The following CCDC73 variants were observed in gnomAD, a reference collection of about 807,000 sequenced individuals.
CCDC73 encodes coiled-coil domain-containing protein 73.
In CCDC73, 95 loss-of-function variants were observed where a neutral mutation model predicts 116.5. The observed-to-expected ratio is 0.82, with a 90% CI of 0.69 to 0.97. The LOEUF (loss-of-function observed/expected upper bound fraction) is 0.97, where lower values mean the gene tolerates loss of function less well. Ranked by LOEUF, CCDC73 falls within the 50% of genes least tolerant of loss-of-function variation. The pLI, the probability that CCDC73 is intolerant of heterozygous loss-of-function variation, is 0.00. For missense variants in CCDC73, 1,066 were observed against 1,206.8 expected, an observed-to-expected ratio of 0.88 and a Z score of 1.73; for synonymous variants, 398 against 401.3, an observed-to-expected ratio of 0.99 and a Z score of 0.10.
chr11:32,643,814 T>C lies in CCDC73; in HGVS notation c.940-1732A>G, dbSNP rs146830203. On this transcript the variant is annotated intron_variant, in intron 12 of 17. Transcript: ENST00000335185. ...TAAATGCTGTATACTTAGGCTACAC[T>C]AAATTTTTTTAATTTTTTCTTTCTT... Among the ~76,000 whole-genome samples the C allele has an allele frequency of 1.3e-4, 20 of 152,218 alleles. No homozygotes were observed. The East Asian group carries it at 2.9e-3, about 22-fold the overall frequency.
intron 2 of CCDC73, among the ~76,000 whole-genome samples, chr11:32,727,490 G>C (rs550740314): frequency 6.6e-6 from 1 of 152,270 alleles, no homozygotes; most frequent in African/African-American, 2.4e-5. Context: ...AAAAAATATT[G>C]TGTCACTATG....
intron 2 of CCDC73, among the ~76,000 whole-genome samples, chr11:32,755,536 A>AATATATATATATACATATAT (rs1483806584): frequency 1.7e-4 from 10 of 59,916 alleles, no homozygotes; most frequent in Non-Finnish European, 3.2e-4. Context: ...TCCATCTCAA[A>AATATATATATATACATATAT]ATATATATAT....
chr11:32,764,881 G>C (rs529738535), intron 1 of CCDC73, among the ~76,000 whole-genome samples: 40 of 152,262 alleles, frequency 2.6e-4, no homozygotes, highest in African/African-American at 7.2e-4. Flanking sequence ...CTCATGTGCA[G>C]AGACACACAT....
chr11:32,758,497 T>C (rs1260859378), intron 2 of CCDC73: 1 of 466,824 alleles, frequency 2.1e-6, no homozygotes, highest in African/African-American at 2.0e-5. Flanking sequence ...GCAGAGCCTA[T>C]GGTGGTTCCA....
intron 4 of CCDC73, 39 bp from the exon 5 acceptor site, chr11:32,700,865 TG>T: frequency 8.9e-7 from 1 of 1,119,818 alleles, no homozygotes; most frequent in Non-Finnish European, 1.3e-6. Flanking sequence ...AAGGGATCAC[TG>T]TTAACAGTGA....
At chr11:32,651,115 T>C (rs1335850105) in intron 12 of CCDC73, among the ~76,000 whole-genome samples, 1 of 152,150 alleles carries the variant, frequency 6.6e-6, no homozygotes, top group African/African-American at 2.4e-5. Context: ...TCCTGCCAGC[T>C]GCTAGACCCA....
intron 1 of CCDC73, among the ~76,000 whole-genome samples, chr11:32,766,044 T>C (rs769407975): frequency 3.9e-5 from 6 of 152,168 alleles, no homozygotes; most frequent in Non-Finnish European, 7.4e-5. Flanking sequence ...TGAACATCGA[T>C]GCAAAAATCC....
intron 2 of CCDC73, among the ~76,000 whole-genome samples, chr11:32,719,878 C>A (rs1590611841): frequency 6.6e-6 from 1 of 151,946 alleles, no homozygotes; most frequent in East Asian, 1.9e-4. Flanking sequence ...TCTAAATAGC[C>A]CTATAACTAT....
the CCDC73 span, among the ~76,000 whole-genome samples, chr11:32,803,591 T>G: frequency 7.9e-3 from 1,200 of 152,336 alleles, 8 homozygotes; most frequent in Middle Eastern, 0.02. Context: ...CTTTGTATAG[T>G]GCCATGAAAT....
chr11:32,781,355 T>C (rs1252676502), intron 1 of CCDC73, among the ~76,000 whole-genome samples: 1 of 152,144 alleles, frequency 6.6e-6, no homozygotes, highest in Non-Finnish European at 1.5e-5. Flanking sequence ...TAAAACTCTG[T>C]TTTTTGGCAG....
chr11:32,711,785 C>T (rs1279023254), intron 3 of CCDC73, among the ~76,000 whole-genome samples: 7 of 152,150 alleles, frequency 4.6e-5, no homozygotes, highest in African/African-American at 1.7e-4. Context: ...AAAACTTTAA[C>T]AGCGCCCCTT....
At chr11:32,678,533 T>C (rs1316881253) in intron 7 of CCDC73, among the ~76,000 whole-genome samples, 1 of 152,224 alleles carries the variant, frequency 6.6e-6, no homozygotes, top group Admixed American at 6.5e-5. Flanking sequence ...ATTGTTATTA[T>C]TCCTTAACTG....
At chr11:32,808,276 G>GA in the CCDC73 span, among the ~76,000 whole-genome samples, 1 of 152,050 alleles carries the variant, frequency 6.6e-6, no homozygotes, top group Non-Finnish European at 1.5e-5. Context: ...CCAATTATAA[G>GA]AAAAAAAGTC....
At chr11:32,668,223 C>T (rs1856005628) in intron 9 of CCDC73, among the ~76,000 whole-genome samples, 1 of 152,138 alleles carries the variant, frequency 6.6e-6, no homozygotes, top group South Asian at 2.1e-4. Context: ...AAATAAAGTA[C>T]TCTCAAGTAC....
At position 32,793,145 on chromosome 11, in the gene CCDC73, T is replaced by G. The variant is rs114766064; in HGVS notation, c.-16+1468A>C. 9.5e-3 allele frequency among the ~76,000 whole-genome samples: 1,450 copies of G among 152,264 alleles called. 24 individuals are homozygous for G. The highest frequency in any genetic ancestry group is 0.033 in the African/African-American group (1,372 of 41,532). On this transcript the variant is annotated intron_variant, in intron 1 of 17. Transcript: ENST00000335185. Reference sequence around the variant, plus strand: ...ATGAAGCCGTATGGAAATTAAAACGTTTTCTCAAGCTGCATTAACACACTT... The same window carrying G: ...ATGAAGCCGTATGGAAATTAAAACGGTTTCTCAAGCTGCATTAACACACTT...
At chr11:32,612,218 A>G (rs2133218693) in intron 16 of CCDC73, among the ~76,000 whole-genome samples, 1 of 152,304 alleles carries the variant, frequency 6.6e-6, no homozygotes, top group Middle Eastern at 3.4e-3. Context: ...TAAGGTGTCT[A>G]AGTGCACAAT....
chr11:32,631,059 A>G (rs181704710), intron 14 of CCDC73, among the ~76,000 whole-genome samples: 1 of 152,366 alleles, frequency 6.6e-6, no homozygotes, highest in Non-Finnish European at 1.5e-5. Flanking sequence ...CATATAGCTA[A>G]TAACAGGACT....
Position 32,772,129 on chromosome 11 carries a change from T to G in CCDC73, c.-15-11871A>C, listed in dbSNP as rs141988213. ...ATTATGAGAAATAATAAATCACTGT[T>G]ATTTTAAACCATTAAGTTGGAGGTG... On this transcript the variant is annotated intron_variant, in intron 1 of 17. Coordinates refer to ENST00000335185, the MANE Select transcript of CCDC73 (RefSeq NM_001008391.4). Among the ~76,000 whole-genome samples the G allele has an allele frequency of 7.9e-5, 12 of 152,334 alleles. No homozygotes were observed. The East Asian group carries it at 2.1e-3, about 27-fold the overall frequency.
upstream of CCDC73, among the ~76,000 whole-genome samples, chr11:32,796,721 G>T (rs1308947055): frequency 6.6e-6 from 1 of 152,100 alleles, no homozygotes; most frequent in Non-Finnish European, 1.5e-5. Flanking sequence ...TTATAAAGGG[G>T]TTTTTCGGCC....
Sources: gnomAD v4.1 joint callset for allele counts (sites outside exome capture counted in the v4.1 genomes callset) on GRCh38, gnomAD v4.1.1 for gene constraint, MANE v1.5 for transcripts, NCBI Gene and HGNC (gene_info 2026-07-23, HGNC 2026-07-21) for gene names.